Variants in CFAP58 observed in about 807,000 individuals in gnomAD.
CFAP58 encodes the protein cilia- and flagella-associated protein 58.
A neutral mutation model predicts 119.5 loss-of-function variants in CFAP58; 88 were observed. The observed-to-expected ratio is 0.74, with a 90% confidence interval of 0.62 to 0.88. The LOEUF (loss-of-function observed/expected upper bound fraction) is 0.88. CFAP58 is among the 40% of genes least tolerant of loss of function. The pLI, the probability that CFAP58 is intolerant of heterozygous loss-of-function variation, is 0.00. For synonymous variants in CFAP58, 365 were observed against 366.3 expected (o/e 1.00, Z 0.04); for missense variants, 990 against 1,021.2 (o/e 0.97, Z 0.42).
chr10:104,442,913 T>C (rs1398363934), intron 15 of CFAP58, among the ~76,000 whole-genome samples: 1 of 152,232 alleles, frequency 6.6e-6, no homozygotes, highest in Non-Finnish European at 1.5e-5. Flanking sequence ...TGTTATTGAA[T>C]GGTTTAATTC....
upstream of CFAP58, chr10:104,353,763 C>G: frequency 9.8e-7 from 1 of 1,025,634 alleles, no homozygotes. Context: ...GACGGGCCGA[C>G]GCGCCGAGCG....
intron 8 of CFAP58, among the ~76,000 whole-genome samples, chr10:104,377,425 T>A (rs1260274215): frequency 6.6e-6 from 1 of 152,160 alleles, no homozygotes; most frequent in Non-Finnish European, 1.5e-5. Context: ...AAGGGAGGGG[T>A]TACGGCAGCT....
chr10:104,364,128 T>A (rs910820895), intron 3 of CFAP58, among the ~76,000 whole-genome samples: 4 of 152,208 alleles, frequency 2.6e-5, no homozygotes, highest in African/African-American at 7.2e-5. Flanking sequence ...GAGAAACTAA[T>A]CTTTTTGGGT....
In CFAP58 at chr10:104,366,017, G is replaced by T. The variant is rs768692846; in HGVS notation, c.792+9G>T. On this transcript the variant is annotated intron_variant, in intron 5 of 17. Coordinates refer to ENST00000369704, the MANE Select transcript of CFAP58 (RefSeq NM_001008723.2). ...AGCTGAAGGAGCAGAAGGTGAGTTG[G>T]GTGTGGGTCTTCGCAAAAAACCAAG... The T allele has an allele frequency of 1.3e-6, 2 of 1,558,706 alleles. No individual in the cohort carries two copies. Among genetic ancestry groups the T allele is most frequent in the South Asian group, 2.4e-5 (2 of 82,736 alleles).
the CFAP58 span, among the ~76,000 whole-genome samples, chr10:104,347,499 G>C: frequency 6.6e-6 from 1 of 152,064 alleles, no homozygotes; most frequent in African/African-American, 2.4e-5. Flanking sequence ...ACAATTTTCT[G>C]TAACACGTGG....
At position 104,357,866 on chromosome 10, in the gene CFAP58, T is replaced by C. The variant is rs539190965; in HGVS notation, c.10-475T>C. On this transcript the variant is annotated intron_variant, in intron 1 of 17. Coordinates refer to ENST00000369704, the MANE Select transcript of CFAP58 (RefSeq NM_001008723.2). ...ATATGTACACATATATACACATATA[T>C]ACACATATATGTACACATATATAAA... is the stretch of plus-strand genomic sequence containing the variant. Among the ~76,000 whole-genome samples, 154 of 103,076 alleles carry C rather than the reference T, an allele frequency of 1.5e-3. 9 individuals are homozygous for C. The highest frequency in any genetic ancestry group is 7.4e-3 in the Middle Eastern group (1 of 136). 67.6% of individuals were successfully genotyped at this position (103,076 alleles called of 152,430 possible).
upstream of CFAP58, chr10:104,353,540 C>A (rs1589903990): frequency 3.7e-6 from 1 of 272,388 alleles, no homozygotes; most frequent in African/African-American, 2.2e-5. Flanking sequence ...TCTTCCAATT[C>A]GCCCTCTTCT....
Position 104,454,452 on chromosome 10 carries a change from C to T in CFAP58, c.2541C>T (p.Thr847=), listed in dbSNP as rs2013246964. ...AGGACACAGCACCCATGGATAACAC[C>T]TTCTTAATGGTCAAACCAAATGGTC... The part of the protein sequence containing the change: ...KNKDTAPMDN[T]FLMVKPNGPG... Residue 847 remains threonine (T), a synonymous_variant, in exon 18 of 18, where the codon ACC becomes ACT. Coordinates refer to ENST00000369704, the MANE Select transcript of CFAP58 (RefSeq NM_001008723.2). 6.2e-7 allele frequency: 1 copy of T among 1,613,580 alleles called. No individual in the cohort carries two copies. The highest frequency in any genetic ancestry group is 1.3e-5 in the African/African-American group (1 of 74,802).
At chr10:104,380,905 C>A (rs1195830327) in intron 9 of CFAP58, among the ~76,000 whole-genome samples, 1 of 152,054 alleles carries the variant, frequency 6.6e-6, no homozygotes, top group Non-Finnish European at 1.5e-5. Context: ...TCCCAGCACT[C>A]TGGGAGTCCA....
chr10:104,357,899 GTACACATATA>G lies in CFAP58; in HGVS notation c.10-441_10-432del, dbSNP rs1564875837. 1.0e-3 allele frequency among the ~76,000 whole-genome samples: 111 copies of G among 107,016 alleles called. 5 individuals are homozygous for G. The highest frequency in any genetic ancestry group is 5.1e-3 in the African/African-American group (100 of 19,638). The allele number at this position is 107,016 out of a possible 152,430, so 70.2% of individuals were successfully genotyped here. On this transcript the variant is annotated intron_variant, in intron 1 of 17. Transcript: ENST00000369704. ...TATGTACACATATATAAACATATAT[GTACACATATA>G]CACACATATATGTACACATATACAC...
chr10:104,410,303 C>A (rs1439475080), intron 15 of CFAP58, among the ~76,000 whole-genome samples: 1 of 152,166 alleles, frequency 6.6e-6, no homozygotes, highest in Non-Finnish European at 1.5e-5. Flanking sequence ...GTTATAGAGT[C>A]AATTTGTTAA....
chr10:104,449,078 T>C (rs1589940199), intron 16 of CFAP58, among the ~76,000 whole-genome samples: 2 of 152,138 alleles, frequency 1.3e-5, no homozygotes, highest in Non-Finnish European at 2.9e-5. Context: ...TTGTCCTTGA[T>C]ACTTACCTAC....
chr10:104,376,882 A>G lies in CFAP58; in HGVS notation c.1162A>G (p.Ile388Val), dbSNP rs770793351. The G allele has an allele frequency of 1.4e-5, 22 of 1,612,356 alleles. No homozygotes were observed. Among genetic ancestry groups the G allele is most frequent in the Non-Finnish European group, 1.8e-5 (21 of 1,178,576 alleles). ...AMDELLRERD[I>V]LNKNMLKAVN... ...GGACGAGCTTCTAAGAGAAAGGGAC[A>G]TACTAAATAAGGTGAGTGTGTTACA... Residue 388 changes from isoleucine to valine, a missense_variant, in exon 8 of 18, where the codon ATA (isoleucine) becomes GTA (valine). Ile to Val is a conservative substitution (Grantham distance 29, BLOSUM62 3). Coordinates refer to ENST00000369704, the MANE Select transcript of CFAP58 (RefSeq NM_001008723.2).
chr10:104,366,057 G>A (rs1411047118), intron 5 of CFAP58, 49 bp downstream of exon 5: 14 of 1,442,048 alleles, frequency 9.7e-6, no homozygotes, highest in Admixed American at 2.6e-5. Context: ...ACCCAGAATG[G>A]CACCTTTATT....
At chr10:104,394,480 G>A (rs1450499556) in intron 11 of CFAP58, among the ~76,000 whole-genome samples, 1 of 152,154 alleles carries the variant, frequency 6.6e-6, no homozygotes, top group East Asian at 1.9e-4. Context: ...CAGGCTCAAT[G>A]CCATATTTTC....
At chr10:104,376,959 G>A in intron 8 of CFAP58, 66 bp downstream of exon 8, 1 of 1,280,292 alleles carries the variant, frequency 7.8e-7, no homozygotes, top group Non-Finnish European at 1.1e-6. Context: ...TCTGGCTATA[G>A]CCAGTTGGAT....
chr10:104,340,348 CTACTT>C, the CFAP58 span, among the ~76,000 whole-genome samples: 1 of 152,152 alleles, frequency 6.6e-6, no homozygotes, highest in African/African-American at 2.4e-5. Flanking sequence ...CATATGTACT[CTACTT>C]TCTGCCTGCC....
chr10:104,407,159 G>C (rs961433962), intron 15 of CFAP58, among the ~76,000 whole-genome samples: 1 of 152,108 alleles, frequency 6.6e-6, no homozygotes, highest in Non-Finnish European at 1.5e-5. Context: ...CTTTCTCATA[G>C]AGCACAAATG....
rs1589910891 is a variant in CFAP58, at chr10:104,368,308, C to T, written c.793-115C>T. ...GAATAAAGAACAATTTCTACAAAGA[C>T]AAAAACTCAGGGTTGCTGTTATCTT... On this transcript the variant is annotated intron_variant, in intron 5 of 17. Transcript: ENST00000369704. 7.7e-6 allele frequency: 7 copies of T among 910,616 alleles called. No homozygotes were observed. In the East Asian group the frequency reaches 1.9e-4, roughly 24 times the overall value. The allele number at this position is 910,616 out of a possible 1,614,324, so 56.4% of individuals were successfully genotyped here.
Sources: allele counts gnomAD v4.1 joint callset (sites outside exome capture counted in the v4.1 genomes callset), GRCh38; gene constraint gnomAD v4.1.1; transcripts MANE v1.5; gene names NCBI Gene and HGNC (gene_info 2026-07-23, HGNC 2026-07-21).